The following GARNL3 variants were observed in gnomAD, a reference collection of about 807,000 sequenced individuals.
GARNL3 encodes GTPase activating Rap/RanGAP domain like 3.
GARNL3 carries 63 observed loss-of-function variants against 125.0 expected under a neutral mutation model. That is an observed-to-expected ratio of 0.50 (90% CI 0.41 to 0.62). The LOEUF is 0.62. Ranked by LOEUF, GARNL3 falls within the 20% of genes least tolerant of loss-of-function variation. The pLI, the probability that GARNL3 is intolerant of heterozygous loss-of-function variation, is 0.00. For synonymous variants in GARNL3, 439 were observed against 457.5 expected (o/e 0.96, Z 0.52); for missense variants, 994 against 1,244.0 (o/e 0.80, Z 3.02).
chr9:127,275,210 GT>G (rs1213924834), intron 1 of GARNL3, among the ~76,000 whole-genome samples: 1 of 152,108 alleles, frequency 6.6e-6, no homozygotes, highest in Non-Finnish European at 1.5e-5. Flanking sequence ...CCTCAAAACT[GT>G]GGTATTCACA....
chr9:127,229,309 G>A (rs1243428152), intron 1 of GARNL3, among the ~76,000 whole-genome samples: 1 of 152,080 alleles, frequency 6.6e-6, no homozygotes, highest in East Asian at 1.9e-4. Context: ...GTGCATATGG[G>A]TGCCCCTGCT....
intron 2 of GARNL3, among the ~76,000 whole-genome samples, chr9:127,243,774 C>G (rs530181035): frequency 4.9e-4 from 74 of 152,294 alleles, no homozygotes; most frequent in African/African-American, 1.7e-3. Flanking sequence ...TCAGTAGACT[C>G]TAAGGCCTAT....
intron 1 of GARNL3, among the ~76,000 whole-genome samples, chr9:127,272,273 G>A (rs150227339): frequency 1.3e-5 from 2 of 149,832 alleles, no homozygotes; most frequent in African/African-American, 5.1e-5. Flanking sequence ...TCTACTCAGG[G>A]TTAAGTAGGG....
At chr9:127,301,028 C>CTGGCATGAAGCG (rs2064768481) in intron 2 of GARNL3, 1 of 174,066 alleles carries the variant, frequency 5.7e-6, no homozygotes, top group Admixed American at 6.3e-5. Flanking sequence ...GTTGAAGCGA[C>CTGGCATGAAGCG]ACATGGAACT....
Position 127,393,380 on chromosome 9 carries a change from T to G in GARNL3, c.*126T>G. ...GTCAGTGATCTATTGGACCAAACCT[T>G]CTGCACACTCGGCCAGTTCCCTCTC... On this transcript the variant is annotated 3_prime_UTR_variant, in exon 28 of 28. Coordinates refer to ENST00000373387, the MANE Select transcript of GARNL3 (RefSeq NM_032293.5). 2 of 761,670 alleles carry G rather than the reference T, an allele frequency of 2.6e-6. No homozygotes were observed. Among genetic ancestry groups the G allele is most frequent in the Non-Finnish European group, 4.1e-6 (2 of 484,564 alleles). The allele number at this position is 761,670 out of a possible 1,614,324, so 47.2% of individuals were successfully genotyped here.
intron 1 of GARNL3, among the ~76,000 whole-genome samples, chr9:127,240,470 G>C (rs1369137161): frequency 6.6e-6 from 1 of 152,164 alleles, no homozygotes; most frequent in Non-Finnish European, 1.5e-5. Flanking sequence ...CAGTAACTGA[G>C]GCTGCAGGAA....
intron 22 of GARNL3, 81 bp downstream of exon 22, chr9:127,365,447 C>A: frequency 9.1e-7 from 1 of 1,104,882 alleles, no homozygotes; most frequent in Non-Finnish European, 1.4e-6. Context: ...AAAGATTGTC[C>A]TTAGATTTAC....
At chr9:127,351,875 A>G (rs144086763) in intron 17 of GARNL3, among the ~76,000 whole-genome samples, 1 of 152,346 alleles carries the variant, frequency 6.6e-6, no homozygotes, top group Non-Finnish European at 1.5e-5. Flanking sequence ...GAAGGAAAGC[A>G]TTGTCATCAA....
At chr9:127,285,052 T>A (rs1482210772) in intron 1 of GARNL3, among the ~76,000 whole-genome samples, 2 of 152,334 alleles carry the variant, frequency 1.3e-5, no homozygotes, top group East Asian at 3.9e-4. Context: ...GATACTAATT[T>A]CTTATTCAGT....
chr9:127,360,711 C>T (rs934677759), intron 21 of GARNL3, among the ~76,000 whole-genome samples: 10 of 152,186 alleles, frequency 6.6e-5, no homozygotes, highest in Admixed American at 2.6e-4. Flanking sequence ...CGTCTACATT[C>T]GCTGCCTGCC....
At chr9:127,357,740 C>G (rs1226651211) in intron 21 of GARNL3, among the ~76,000 whole-genome samples, 6 of 150,938 alleles carry the variant, frequency 4.0e-5, no homozygotes, top group African/African-American at 1.5e-4. Context: ...GAGTTCGAGA[C>G]TGGTCTGGGC....
chr9:127,373,239 A>G, intron 22 of GARNL3, among the ~76,000 whole-genome samples: 1 of 152,234 alleles, frequency 6.6e-6, no homozygotes, highest in East Asian at 1.9e-4. Context: ...AGAGAACTGA[A>G]AAGAAGCCTC....
intron 1 of GARNL3, among the ~76,000 whole-genome samples, chr9:127,288,365 G>C (rs1344714689): frequency 6.6e-6 from 1 of 152,190 alleles, no homozygotes; most frequent in Admixed American, 6.5e-5. Flanking sequence ...GAAGAAGTGG[G>C]GATGCTGGAA....
At chr9:127,297,930 T>C (rs1420092631) in intron 2 of GARNL3, among the ~76,000 whole-genome samples, 2 of 152,252 alleles carry the variant, frequency 1.3e-5, no homozygotes, top group Non-Finnish European at 2.9e-5. Context: ...TCATTAAAAC[T>C]GTTCAGTTTC....
intron 2 of GARNL3, among the ~76,000 whole-genome samples, chr9:127,302,370 A>G (rs1281954634): frequency 6.6e-6 from 1 of 152,184 alleles, no homozygotes; most frequent in Non-Finnish European, 1.5e-5. Context: ...ATATTGTAGC[A>G]TTATTTAAAA....
rs745444635 is a variant in GARNL3, at chr9:127,357,207, C to T, written c.1936-12C>T. The stretch of plus-strand genomic sequence containing the variant: ...CTCACCCCTGTCTCTTGTATCCTCA[C>T]CAACCACACAGGAGATCTGTCTGTC... On this transcript the variant is annotated splice_polypyrimidine_tract_variant and intron_variant, in intron 20 of 27. Coordinates refer to ENST00000373387, the MANE Select transcript of GARNL3 (RefSeq NM_032293.5). 1 of 1,613,808 alleles carries T rather than the reference C, an allele frequency of 6.2e-7. No individual in the cohort carries two copies. The highest frequency in any genetic ancestry group is 8.5e-7 in the Non-Finnish European group (1 of 1,179,744).
intron 21 of GARNL3, among the ~76,000 whole-genome samples, chr9:127,357,955 C>G (rs1162018389): frequency 6.6e-6 from 1 of 152,132 alleles, no homozygotes; most frequent in Non-Finnish European, 1.5e-5. Context: ...CTGCACCCTC[C>G]CTACCCCCTT....
At chr9:127,300,600 ATGCG>A in intron 2 of GARNL3, 1 of 299,582 alleles carries the variant, frequency 3.3e-6, no homozygotes, top group Non-Finnish European at 6.4e-6. Context: ...GACTACAGGC[ATGCG>A]CCACCACGCT....
rs2064064132 is a variant in GARNL3, at chr9:127,280,047, CA to C, written c.145-11120del. ...CAGCGGCTCTAGAATTTATACATAA[CA>C]GGGGCTTAGGAACTACCAGTAGCAG... On this transcript the variant is annotated intron_variant, in intron 1 of 27. Coordinates refer to ENST00000373387, the MANE Select transcript of GARNL3 (RefSeq NM_032293.5). This position sits in a 1 kb window ranked among gnomAD's most constrained non-coding sequence, Gnocchi z 4.5. Among the ~76,000 whole-genome samples the C allele has an allele frequency of 2.0e-5, 3 of 152,168 alleles. No homozygotes were observed. Among genetic ancestry groups the C allele is most frequent in the Non-Finnish European group, 4.4e-5 (3 of 68,040 alleles).
Sources: allele counts gnomAD v4.1 joint callset (sites outside exome capture counted in the v4.1 genomes callset), GRCh38; gene constraint gnomAD v4.1.1; non-coding constraint Gnocchi (gnomAD v3.1); transcripts MANE v1.5; gene names NCBI Gene and HGNC (gene_info 2026-07-23, HGNC 2026-07-21).